AFTPH: variants seen among roughly 807,000 people sequenced by gnomAD.
The protein encoded by AFTPH is aftiphilin protein.
Under a neutral mutation model 72.5 loss-of-function variants are expected in AFTPH, and 7 were observed. That is an observed-to-expected ratio of 0.10 (90% CI 0.05 to 0.18). The LOEUF (loss-of-function observed/expected upper bound fraction) is 0.18. Among genes scored for constraint, AFTPH ranks in the 10% least tolerant of loss-of-function variants. AFTPH has a pLI of 1.00. For missense variants in AFTPH, 979 were observed against 1,060.5 expected, an observed-to-expected ratio of 0.92 and a Z score of 1.07; for synonymous variants, 337 against 370.1, an observed-to-expected ratio of 0.91 and a Z score of 1.03.
At chr2:64,553,443 A>C (rs200872058) in intron 2 of AFTPH, 34 bp downstream of exon 2, 1 of 1,518,912 alleles carries the variant, frequency 6.6e-7, no homozygotes. Context: ...TGTATGATGT[A>C]TTAATTGTTG....
At chr2:64,542,408 C>T (rs1002443283) in intron 1 of AFTPH, among the ~76,000 whole-genome samples, 1 of 152,150 alleles carries the variant, frequency 6.6e-6, no homozygotes, top group Admixed American at 6.5e-5. Context: ...AACCAAGCAC[C>T]TTCTAAATTC....
intron 2 of AFTPH, among the ~76,000 whole-genome samples, chr2:64,566,347 A>C (rs1672090901): frequency 1.3e-5 from 2 of 152,190 alleles, no homozygotes; most frequent in African/African-American, 4.8e-5. Context: ...CCCTAAGACT[A>C]ATTATGCAGT....
intron 1 of AFTPH, among the ~76,000 whole-genome samples, chr2:64,530,062 A>G (rs776512513): frequency 1.5e-4 from 23 of 152,252 alleles, no homozygotes; most frequent in Non-Finnish European, 2.5e-4. Context: ...AGACTGAGAC[A>G]GGAGAATCAC....
intron 2 of AFTPH, among the ~76,000 whole-genome samples, chr2:64,564,623 AAAAAT>A (rs1671939271): frequency 1.4e-5 from 2 of 145,618 alleles, no homozygotes; most frequent in African/African-American, 2.8e-5. Context: ...CAAAAAAATA[AAAAAT>A]AAAAAATAAA....
chr2:64,572,812 A>G, intron 5 of AFTPH, 134 bp from the exon 6 acceptor site: 1 of 1,268,846 alleles, frequency 7.9e-7, no homozygotes, highest in South Asian at 1.7e-5. Context: ...TTAAAAAAAA[A>G]AAAAGACTAG....
intron 2 of AFTPH, among the ~76,000 whole-genome samples, chr2:64,561,828 T>G (rs1671762230): frequency 6.6e-6 from 1 of 152,244 alleles, no homozygotes; most frequent in South Asian, 2.1e-4. Flanking sequence ...TTAGTAAGAA[T>G]TAACAACTAA....
intron 1 of AFTPH, among the ~76,000 whole-genome samples, chr2:64,549,227 T>C (rs1470897970): frequency 6.6e-6 from 1 of 151,758 alleles, no homozygotes; most frequent in Non-Finnish European, 1.5e-5. Flanking sequence ...TGTATCTAAC[T>C]GGGCAGCTGT....
At chr2:64,562,860 C>T (rs1671823039) in intron 2 of AFTPH, among the ~76,000 whole-genome samples, 1 of 152,196 alleles carries the variant, frequency 6.6e-6, no homozygotes, top group South Asian at 2.1e-4. Flanking sequence ...GTTTGCTTTA[C>T]TTATACTGCC....
intron 6 of AFTPH, among the ~76,000 whole-genome samples, chr2:64,575,911 G>A (rs575028509): frequency 2.0e-4 from 30 of 151,720 alleles, no homozygotes; most frequent in South Asian, 1.7e-3. Context: ...ACTAATTTTC[G>A]TATTTTTAGT....
intron 1 of AFTPH, among the ~76,000 whole-genome samples, chr2:64,547,271 T>G (rs1255885956): frequency 6.6e-6 from 1 of 152,198 alleles, no homozygotes; most frequent in Admixed American, 6.5e-5. Context: ...TTTCCTTGAC[T>G]TTCATGAGCT....
chr2:64,560,441 T>C (rs1011790540), intron 2 of AFTPH, among the ~76,000 whole-genome samples: 6 of 152,208 alleles, frequency 3.9e-5, no homozygotes, highest in African/African-American at 1.4e-4. Flanking sequence ...GGAAAATGAA[T>C]ATACAAGAAA....
chr2:64,541,576 G>T (rs537465119), intron 1 of AFTPH, among the ~76,000 whole-genome samples: 56 of 152,106 alleles, frequency 3.7e-4, no homozygotes, highest in African/African-American at 1.3e-3. Flanking sequence ...TCAGAAGAAG[G>T]GCTCTTTTCT....
chr2:64,524,657 G>A, intron 1 of AFTPH, 45 bp downstream of exon 1: 1 of 396,402 alleles, frequency 2.5e-6, no homozygotes, highest in Non-Finnish European at 4.4e-6. Context: ...GGGGAAAGAG[G>A]GTGCGGGGAC....
At chr2:64,570,926 C>CA (rs1672384608) in intron 5 of AFTPH, among the ~76,000 whole-genome samples, 1 of 120,010 alleles carries the variant, frequency 8.3e-6, no homozygotes, top group Non-Finnish European at 1.8e-5. Context: ...CCCCCCCCCC[C>CA]CCACCTTTTT....
At chr2:64,529,150 T>C (rs545286526) in intron 1 of AFTPH, among the ~76,000 whole-genome samples, 2 of 152,320 alleles carry the variant, frequency 1.3e-5, no homozygotes, top group East Asian at 1.9e-4. Context: ...CCTTGCAACC[T>C]ATGTTTCCAG....
rs536304064 is a variant in AFTPH at position 64,552,811 on chromosome 2, C to T, written c.1337C>T (p.Pro446Leu). Reference sequence around the variant, plus strand: ...TTTGGCTCTGCCAGTGGCTCAACTCCACCTTTTGTTACTGGTACTCAAGAT... The same window carrying T: ...TTTGGCTCTGCCAGTGGCTCAACTCTACCTTTTGTTACTGGTACTCAAGAT... The change falls in exon 2 of 9, where the codon CCA becomes CTA. Residue 446 changes from proline to leucine, a missense_variant. Pro to Leu is a moderately conservative substitution (Grantham distance 98, BLOSUM62 -3). Around this residue, in one of 3 missense-constraint regions of AFTPH, gnomAD observed 498 missense variants for 467.6 expected, o/e 1.06. Coordinates refer to ENST00000238856, the Ensembl canonical transcript of AFTPH. 22 of 1,614,182 alleles carry T rather than the reference C, an allele frequency of 1.4e-5. No homozygotes were observed. In the South Asian group the frequency reaches 2.1e-4, roughly 15 times the overall value.
intron 2 of AFTPH, among the ~76,000 whole-genome samples, chr2:64,562,030 T>G (rs78266635): frequency 6.6e-6 from 1 of 152,340 alleles, no homozygotes; most frequent in East Asian, 1.9e-4. Context: ...GGATCAAATA[T>G]CTGCTGTGTA....
intron 7 of AFTPH, among the ~76,000 whole-genome samples, chr2:64,581,668 A>ATGACT (rs1673213716): frequency 6.6e-6 from 1 of 152,202 alleles, no homozygotes; most frequent in Non-Finnish European, 1.5e-5. Flanking sequence ...GTATACAAAG[A>ATGACT]TGACTTTACA....
chr2:64,548,489 A>G (rs1351393848), intron 1 of AFTPH, among the ~76,000 whole-genome samples: 1 of 148,270 alleles, frequency 6.7e-6, no homozygotes. Context: ...TATTGTAGGG[A>G]TATAGTATAA....
Sources: gnomAD v4.1 joint callset for allele counts (sites outside exome capture counted in the v4.1 genomes callset) on GRCh38, gnomAD v4.1.1 for gene constraint, gnomAD v4.1.1 regional missense constraint, MANE v1.5 for transcripts, NCBI Gene and HGNC (gene_info 2026-07-23, HGNC 2026-07-21) for gene names.